The following SKA1 variants were observed in gnomAD, a reference collection of about 807,000 sequenced individuals.
SKA1 encodes the protein spindle and kinetochore associated complex subunit 1, also known as SKA complex subunit 1.
In SKA1, 20 loss-of-function variants were observed where a neutral mutation model predicts 31.8. That is an observed-to-expected ratio of 0.63 (90% CI 0.44 to 0.91). The LOEUF is 0.91. Ranked by LOEUF, SKA1 falls within the 40% of genes least tolerant of loss-of-function variation. SKA1 has a pLI of 0.00. For synonymous variants in SKA1, 88 were observed against 100.5 expected, an observed-to-expected ratio of 0.88 and a Z score of 0.74; for missense variants, 253 against 298.2, an observed-to-expected ratio of 0.85 and a Z score of 1.12.
intron 3 of SKA1, among the ~76,000 whole-genome samples, chr18:50,381,882 C>T (rs1158603846): frequency 5.3e-5 from 8 of 152,062 alleles, no homozygotes; most frequent in African/African-American, 1.2e-4. Context: ...CGTGCCACCA[C>T]GCCCGGCTAA....
At chr18:50,383,451 G>C (rs1473941103) in intron 4 of SKA1, among the ~76,000 whole-genome samples, 1 of 152,120 alleles carries the variant, frequency 6.6e-6, no homozygotes, top group East Asian at 1.9e-4. Flanking sequence ...CAAATGTCCA[G>C]CTCTAGCCTT....
At chr18:50,382,093 G>C (rs767411887) in intron 3 of SKA1, 36 bp from the exon 4 acceptor site, 2 of 1,190,068 alleles carry the variant, frequency 1.7e-6, no homozygotes, top group Admixed American at 5.0e-5. Context: ...ACATGGGGAG[G>C]ACAGAGACTT....
chr18:50,389,375 C>CTTTTTTTTTTTTTTTTTTTT (rs756288352), intron 5 of SKA1, among the ~76,000 whole-genome samples: 25 of 86,140 alleles, frequency 2.9e-4, no homozygotes, highest in African/African-American at 3.5e-4. Context: ...CTTTACCTTT[C>CTTTTTTTTTTTTTTTTTTTT]TTTTTTTTTT....
chr18:50,377,511 A>T (rs1011730442), intron 2 of SKA1, among the ~76,000 whole-genome samples: 3 of 152,244 alleles, frequency 2.0e-5, no homozygotes, highest in Non-Finnish European at 2.9e-5. Flanking sequence ...TTATTTAAGC[A>T]TCCATGAACT....
At chr18:50,390,793 G>C (rs1451808814) in intron 5 of SKA1, among the ~76,000 whole-genome samples, 1 of 151,948 alleles carries the variant, frequency 6.6e-6, no homozygotes, top group African/African-American at 2.4e-5. Context: ...TTTTTCCTTT[G>C]CTCACATTTA....
chr18:50,376,223 C>T (rs1040606903), intron 2 of SKA1, among the ~76,000 whole-genome samples: 1 of 152,150 alleles, frequency 6.6e-6, no homozygotes, highest in Non-Finnish European at 1.5e-5. Flanking sequence ...AATAGAGATA[C>T]AGTCATGCGT....
chr18:50,391,969 A>G (rs2041360471), intron 6 of SKA1, 130 bp from the exon 7 acceptor site: 2 of 597,262 alleles, frequency 3.3e-6, no homozygotes, highest in African/African-American at 1.9e-5. Context: ...TAGCAAGAAT[A>G]CTAGTTCTTG....
intron 3 of SKA1, 53 bp from the exon 4 acceptor site, chr18:50,382,076 A>C: frequency 2.8e-6 from 3 of 1,081,818 alleles, no homozygotes; most frequent in Non-Finnish European, 4.0e-6. Context: ...AGAATATCTT[A>C]AAACACACAT....
At chr18:50,385,070 ATAGAC>A (rs2041295912) in intron 4 of SKA1, 141 bp from the exon 5 acceptor site, 21 of 606,014 alleles carry the variant, frequency 3.5e-5, no homozygotes, top group Non-Finnish European at 5.7e-5. Context: ...TTCATGAACA[ATAGAC>A]ATAGGGATAG....
chr18:50,386,393 G>T (rs2041307994), intron 5 of SKA1, among the ~76,000 whole-genome samples: 1 of 152,152 alleles, frequency 6.6e-6, no homozygotes, highest in African/African-American at 2.4e-5. Flanking sequence ...CATTTTGGTT[G>T]TTGTTTTATT....
In SKA1 at chr18:50,392,316, TATATA is replaced by T. The variant is rs1339283944; in HGVS notation, c.*72_*76del. ...AGAGGCTATTTCTATAATTTTCTTA[TATATA>T]ATTTTTTTAACTTTTAATCTTTTTT... On this transcript the variant is annotated 3_prime_UTR_variant, in exon 7 of 7. Transcript: ENST00000285116. 1.4e-5 allele frequency: 14 copies of T among 1,029,258 alleles called. No homozygotes were observed. In the East Asian group the frequency reaches 4.6e-4, roughly 34 times the overall value. 63.8% of individuals were successfully genotyped at this position (1,029,258 alleles called of 1,614,324 possible).
intron 5 of SKA1, among the ~76,000 whole-genome samples, chr18:50,385,817 G>A (rs573033165): frequency 1.3e-5 from 2 of 152,318 alleles, no homozygotes; most frequent in South Asian, 4.1e-4. Context: ...CCCAAAGAGG[G>A]GGGCGGGTCT....
At chr18:50,380,344 T>A in intron 3 of SKA1, 94 bp downstream of exon 3, 1 of 1,331,676 alleles carries the variant, frequency 7.5e-7, no homozygotes, top group Non-Finnish European at 1.0e-6. Context: ...GTTTATAATG[T>A]TTTTTGTTTA....
At chr18:50,378,366 C>T (rs1209298728) in intron 2 of SKA1, among the ~76,000 whole-genome samples, 3 of 152,126 alleles carry the variant, frequency 2.0e-5, no homozygotes, top group Admixed American at 2.0e-4. Context: ...GCTACTTTGG[C>T]TTCTGTAACT....
At chr18:50,377,321 A>G (rs1292161126) in intron 2 of SKA1, among the ~76,000 whole-genome samples, 1 of 152,140 alleles carries the variant, frequency 6.6e-6, no homozygotes, top group Non-Finnish European at 1.5e-5. Context: ...CCACTGTCAT[A>G]TTTATGGTCC....
intron 2 of SKA1, among the ~76,000 whole-genome samples, chr18:50,377,510 C>T (rs2041228680): frequency 6.6e-6 from 1 of 152,214 alleles, no homozygotes; most frequent in Non-Finnish European, 1.5e-5. Flanking sequence ...ATTATTTAAG[C>T]ATCCATGAAC....
chr18:50,383,779 G>C (rs17661262), intron 4 of SKA1, among the ~76,000 whole-genome samples: 44,046 of 152,148 alleles, frequency 0.29, 6,687 homozygotes, highest in Non-Finnish European at 0.36. Flanking sequence ...ACACAGCAGG[G>C]CATAAGGGAG....
intron 2 of SKA1, among the ~76,000 whole-genome samples, chr18:50,378,283 C>A (rs9948348): frequency 0.38 from 57,631 of 151,942 alleles, 11,466 homozygotes; most frequent in East Asian, 0.62. Context: ...CAGTTGTCAA[C>A]TGTCATTTTG....
intron 5 of SKA1, among the ~76,000 whole-genome samples, chr18:50,388,735 T>C (rs980257650): frequency 6.6e-6 from 1 of 152,208 alleles, no homozygotes; most frequent in Non-Finnish European, 1.5e-5. Context: ...AGAACTGCTC[T>C]ACTTTTCCTT....
Sources: allele counts gnomAD v4.1 joint callset (sites outside exome capture counted in the v4.1 genomes callset), GRCh38; gene constraint gnomAD v4.1.1; transcripts MANE v1.5; gene names NCBI Gene and HGNC (gene_info 2026-07-23, HGNC 2026-07-21).